The following MRPL39 variants were observed in gnomAD, a reference collection of about 807,000 sequenced individuals.
MRPL39 encodes the protein mitochondrial ribosomal protein L39.
In MRPL39, 35 loss-of-function variants were observed where a neutral mutation model predicts 44.5. The ratio of observed to expected loss-of-function variants is 0.79; its 90% CI spans 0.60 to 1.04. The LOEUF is 1.04. Among genes scored for constraint, MRPL39 ranks in the 50% least tolerant of loss-of-function variants. The pLI is 0.00. For missense variants in MRPL39, 433 were observed against 413.5 expected, an observed-to-expected ratio of 1.05 and a Z score of -0.41; for synonymous variants, 139 against 136.1, an observed-to-expected ratio of 1.02 and a Z score of -0.15.
intron 5 of MRPL39, among the ~76,000 whole-genome samples, chr21:25,599,222 T>G (rs2031451133): frequency 6.6e-6 from 1 of 151,554 alleles, no homozygotes; most frequent in African/African-American, 2.4e-5. Flanking sequence ...AGGCAAACCA[T>G]TCACAAAGAG....
intron 3 of MRPL39, among the ~76,000 whole-genome samples, chr21:25,602,000 T>A (rs556665314): frequency 2.6e-5 from 4 of 152,300 alleles, no homozygotes; most frequent in African/African-American, 7.2e-5. Context: ...TGGACATGCC[T>A]GATATGGTAT....
upstream of MRPL39, chr21:25,607,577 A>T (rs1401564183): frequency 1.6e-6 from 2 of 1,227,168 alleles, no homozygotes; most frequent in Non-Finnish European, 2.3e-6. Flanking sequence ...TTCCGGACCC[A>T]GCACTCAGAC....
At chr21:25,600,006 C>T in intron 4 of MRPL39, 140 bp from the exon 5 acceptor site, 1 of 635,802 alleles carries the variant, frequency 1.6e-6, no homozygotes, top group East Asian at 2.8e-5. Context: ...GGTTGCCATT[C>T]TTCCAGCTGC....
chr21:25,607,197 C>G (rs549619795), intron 1 of MRPL39, among the ~76,000 whole-genome samples: 1 of 152,234 alleles, frequency 6.6e-6, no homozygotes, highest in Non-Finnish European at 1.5e-5. Flanking sequence ...GGCCCCGACC[C>G]CTGCCCTTGC....
intron 2 of MRPL39, among the ~76,000 whole-genome samples, chr21:25,605,293 A>G (rs1197250176): frequency 6.6e-6 from 1 of 152,210 alleles, no homozygotes; most frequent in Non-Finnish European, 1.5e-5. Context: ...AAAATAAAAT[A>G]TAGAAGTTCT....
chr21:25,600,850 G>A (rs1450473732), intron 4 of MRPL39, among the ~76,000 whole-genome samples: 1 of 152,192 alleles, frequency 6.6e-6, no homozygotes, highest in African/African-American at 2.4e-5. Flanking sequence ...GCTCACGCCT[G>A]TAATCCCAGC....
At position 25,596,651 on chromosome 21, in the gene MRPL39, A is replaced by G. The variant is rs112306450; in HGVS notation, c.701+651T>C. Among the ~76,000 whole-genome samples, 502 of 142,568 alleles carry G rather than the reference A, an allele frequency of 3.5e-3. 6 individuals carry two copies. Among genetic ancestry groups the G allele is most frequent in the Non-Finnish European group, 4.4e-3 (292 of 65,980 alleles). 93.5% of individuals were successfully genotyped at this position (142,568 alleles called of 152,430 possible). A position where few individuals can be genotyped will look rare whatever the true frequency, so the allele number is the denominator to read the frequency against. ...GTAAACTTTCACAATTCTTAGGTGC[A>G]TATTTTGGCTTCAGACTCTGTTATT... On this transcript the variant is annotated intron_variant, in intron 6 of 9. Transcript: ENST00000352957.
chr21:25,587,319 A>G (rs759809673), intron 9 of MRPL39, among the ~76,000 whole-genome samples: 3 of 152,190 alleles, frequency 2.0e-5, no homozygotes, highest in Non-Finnish European at 4.4e-5. Flanking sequence ...TTCTTCATCT[A>G]AAATGATCAC....
chr21:25,606,426 T>C (rs770536894), intron 2 of MRPL39, 23 bp downstream of exon 2: 14 of 1,558,954 alleles, frequency 9.0e-6, no homozygotes, highest in South Asian at 3.6e-5. Context: ...GGGTCAAAAC[T>C]GTAACCTGAT....
intron 2 of MRPL39, among the ~76,000 whole-genome samples, chr21:25,605,755 T>C (rs2031644717): frequency 6.6e-6 from 1 of 152,120 alleles, no homozygotes; most frequent in South Asian, 2.1e-4. Context: ...TAAAAATAAA[T>C]TAGCCAGGTG....
At position 25,607,459 on chromosome 21, in the gene MRPL39, A is replaced by G. The variant is rs748277259; in HGVS notation, c.17T>C (p.Met6Thr). The G allele has an allele frequency of 6.2e-7, 1 of 1,612,466 alleles. No homozygotes were observed. Among genetic ancestry groups the G allele is most frequent in the Non-Finnish European group, 8.5e-7 (1 of 1,179,902 alleles). The stretch of plus-strand genomic sequence containing the variant: ...CCAGAGCCGCAGCGCCCGGGAACCC[A>G]TGGCCAGCGCCTCCATAGCAGCGGT... MEALAMGSRALRLWLV... is the reference protein window; with the variant it reads MEALATGSRALRLWLV... The change falls in exon 1 of 10, where the codon ATG becomes ACG. Residue 6 changes from methionine to threonine, a missense_variant. Physicochemically the swap from Met to Thr is moderately conservative, Grantham distance 81. Coordinates refer to ENST00000352957, the MANE Select transcript of MRPL39 (RefSeq NM_017446.4).
chr21:25,599,758 G>A (rs1268643206), intron 5 of MRPL39, 41 bp downstream of exon 5: 1 of 1,486,740 alleles, frequency 6.7e-7, no homozygotes, highest in Admixed American at 1.7e-5. Context: ...ACAAAGAAAG[G>A]CAGACACTCT....
At chr21:25,602,204 C>T (rs953841778) in intron 3 of MRPL39, among the ~76,000 whole-genome samples, 3 of 152,240 alleles carry the variant, frequency 2.0e-5, no homozygotes, top group African/African-American at 7.2e-5. Context: ...AGACCCAGGC[C>T]TTGAAGGCAA....
At chr21:25,594,069 A>C in intron 6 of MRPL39, 111 bp from the exon 7 acceptor site, 10 of 848,950 alleles carry the variant, frequency 1.2e-5, no homozygotes, top group Non-Finnish European at 1.8e-5. Flanking sequence ...AGAGTAGGTT[A>C]CACTTGGAAC....
intron 5 of MRPL39, among the ~76,000 whole-genome samples, chr21:25,598,620 G>C (rs1213477548): frequency 3.9e-5 from 6 of 152,022 alleles, no homozygotes; most frequent in Non-Finnish European, 8.8e-5. Flanking sequence ...TGAAGAAACA[G>C]TTCCAATCCC....
rs765747200 is a variant in MRPL39, at chr21:25,603,955, T to C, written c.281-20A>G. The C allele has an allele frequency of 1.3e-6, 2 of 1,594,494 alleles. No homozygotes were observed. Among genetic ancestry groups the C allele is most frequent in the African/African-American group, 1.4e-5 (1 of 73,604 alleles). ...TTAAATCTAGAAATTTAAAACAGAC[T>C]GATTATCTAACAAAATCCAGAGTGA... On this transcript the variant is annotated intron_variant, in intron 2 of 9. Coordinates refer to ENST00000352957, the MANE Select transcript of MRPL39 (RefSeq NM_017446.4).
chr21:25,587,937 A>C, intron 9 of MRPL39: 1 of 646,406 alleles, frequency 1.5e-6, no homozygotes, highest in Non-Finnish European at 2.8e-6. Context: ...CAGATTACAC[A>C]GGACAGCTAT....
chr21:25,592,726 T>G (rs1183468418), intron 8 of MRPL39, 86 bp downstream of exon 8: 1 of 1,020,390 alleles, frequency 9.8e-7, no homozygotes, highest in East Asian at 2.8e-5. Context: ...AATTAAAAGT[T>G]TATATTCTTC....
At chr21:25,588,256 G>A (rs1333389636) in intron 9 of MRPL39, among the ~76,000 whole-genome samples, 1 of 151,870 alleles carries the variant, frequency 6.6e-6, no homozygotes, top group Non-Finnish European at 1.5e-5. Context: ...AGGTTGCAGT[G>A]AGCTGAGATC....
Sources: gnomAD v4.1 joint callset for allele counts (sites outside exome capture counted in the v4.1 genomes callset) on GRCh38, gnomAD v4.1.1 for gene constraint, MANE v1.5 for transcripts, NCBI Gene and HGNC (gene_info 2026-07-23, HGNC 2026-07-21) for gene names.